LRBA: variants seen among roughly 807,000 people sequenced by gnomAD.
LRBA encodes LPS responsive beige-like anchor protein, also known as lipopolysaccharide-responsive and beige-like anchor protein.
Under a neutral mutation model 330.0 loss-of-function variants are expected in LRBA, and 176 were observed. The observed-to-expected ratio is 0.53, with a 90% CI of 0.47 to 0.60. The LOEUF (loss-of-function observed/expected upper bound fraction) is 0.60, where lower values mean the gene tolerates loss of function less well. Among genes scored for constraint, LRBA ranks in the 20% least tolerant of loss-of-function variants. The pLI is 0.00. For synonymous variants in LRBA, 1,230 were observed against 1,193.0 expected (o/e 1.03, Z -0.64); for missense variants, 3,259 against 3,444.8 (o/e 0.95, Z 1.35).
intron 13 of LRBA, among the ~76,000 whole-genome samples, chr4:150,903,386 C>G (rs774816839): frequency 6.6e-6 from 1 of 151,802 alleles, no homozygotes; most frequent in Non-Finnish European, 1.5e-5. Context: ...ATAAGTTAGA[C>G]AAAGAAATGG....
At chr4:150,766,933 A>C (rs2126502968) in intron 34 of LRBA, among the ~76,000 whole-genome samples, 1 of 152,280 alleles carries the variant, frequency 6.6e-6, no homozygotes, top group Middle Eastern at 3.4e-3. Flanking sequence ...CTAAGGCCAT[A>C]ATTGTTGACT....
chr4:150,562,818 T>A (rs1768547009), intron 40 of LRBA, among the ~76,000 whole-genome samples: 1 of 151,790 alleles, frequency 6.6e-6, no homozygotes, highest in South Asian at 2.1e-4. Context: ...ATTTTTTTTT[T>A]AATAGGGGTC....
chr4:150,782,565 G>A (rs1032843578), intron 34 of LRBA, among the ~76,000 whole-genome samples: 2 of 152,114 alleles, frequency 1.3e-5, no homozygotes, highest in Non-Finnish European at 2.9e-5. Flanking sequence ...TTTTCACATT[G>A]CCTTGTCCTC....
intron 17 of LRBA, among the ~76,000 whole-genome samples, 158 bp downstream of exon 17, chr4:150,892,894 G>T (rs1307785009): frequency 1.3e-5 from 2 of 151,582 alleles, no homozygotes; most frequent in Non-Finnish European, 2.9e-5. Flanking sequence ...AAGATTCATT[G>T]AAAAAAAATG....
At chr4:150,287,240 G>A (rs558389349) in intron 53 of LRBA, among the ~76,000 whole-genome samples, 7 of 152,290 alleles carry the variant, frequency 4.6e-5, no homozygotes, top group African/African-American at 1.4e-4. Context: ...GCAGCTCAGG[G>A]GAAACCCACT....
chr4:150,359,179 G>A (rs1738310571), intron 47 of LRBA, among the ~76,000 whole-genome samples: 1 of 152,104 alleles, frequency 6.6e-6, no homozygotes, highest in African/African-American at 2.4e-5. Flanking sequence ...TATTATATAG[G>A]ACTAAAAGTA....
Position 150,484,880 on chromosome 4 carries a change from C to A in LRBA, c.6551+2852G>T, listed in dbSNP as rs148510742. On this transcript the variant is annotated intron_variant, in intron 42 of 56. Transcript: ENST00000651943. ...TCAATTAGTAGAATATTTCTAATAT[C>A]TCTTCTAATTTCATCTTTGGCCCAT... Among the ~76,000 whole-genome samples the A allele has an allele frequency of 7.2e-4, 109 of 151,936 alleles. 1 individual carries two copies. Among genetic ancestry groups the A allele is most frequent in the African/African-American group, 2.1e-3 (87 of 41,490 alleles).
chr4:150,638,233 T>C (rs1778124403), intron 37 of LRBA, among the ~76,000 whole-genome samples: 1 of 152,138 alleles, frequency 6.6e-6, no homozygotes, highest in Non-Finnish European at 1.5e-5. Flanking sequence ...TTCACCATGT[T>C]GGCCAGGCTG....
At chr4:150,827,909 T>C (rs1229171621) in intron 30 of LRBA, among the ~76,000 whole-genome samples, 15 of 152,114 alleles carry the variant, frequency 9.9e-5, no homozygotes, top group Non-Finnish European at 4.4e-5. Flanking sequence ...GCCTTCCTTA[T>C]GATTTTCTTA....
In LRBA at chr4:150,921,200, C is replaced by A. The variant is rs756874800; in HGVS notation, c.643G>T (p.Ala215Ser). 4 of 1,596,312 alleles carry A rather than the reference C, an allele frequency of 2.5e-6. No individual in the cohort carries two copies. The highest frequency in any genetic ancestry group is 3.4e-6 in the Non-Finnish European group (4 of 1,163,934). Residue 215 changes from alanine (A) to serine (S), a missense_variant and splice_region_variant, in exon 5 of 57, where the codon GCA (alanine) becomes TCA (serine). Coordinates refer to ENST00000651943, the MANE Select transcript of LRBA (RefSeq NM_001364905.1). The part of the protein sequence containing the change: ...AFFNFPGKSA[A>S]AIALPPIAKW... The stretch of plus-strand genomic sequence containing the variant: ...TTTCCTCATTAATATTTACTTACTG[C>A]AGCACTCTTTCCTGGAAAGTTAAAA...
intron 31 of LRBA, among the ~76,000 whole-genome samples, chr4:150,814,119 G>GA (rs1475860686): frequency 6.6e-6 from 1 of 152,036 alleles, no homozygotes; most frequent in African/African-American, 2.4e-5. Flanking sequence ...AGTTTTTACT[G>GA]AATGTGTATT....
chr4:150,851,755 A>G, intron 23 of LRBA, 130 bp downstream of exon 23: 1 of 913,934 alleles, frequency 1.1e-6, no homozygotes, highest in African/African-American at 1.7e-5. Context: ...CAATCTTCAC[A>G]TTCATTGCAT....
chr4:150,564,073 G>A (rs991678567), intron 40 of LRBA, among the ~76,000 whole-genome samples: 2 of 152,132 alleles, frequency 1.3e-5, no homozygotes, highest in African/African-American at 4.8e-5. Flanking sequence ...AGCCCATATA[G>A]CCAAGACAAT....
At chr4:150,266,893 AAG>A (rs1361140068) in intron 56 of LRBA, among the ~76,000 whole-genome samples, 1 of 152,172 alleles carries the variant, frequency 6.6e-6, no homozygotes, top group Non-Finnish European at 1.5e-5. Flanking sequence ...AGTACTAGCA[AAG>A]AGAGCTGAGG....
At chr4:150,783,776 G>T (rs1738614630) in intron 34 of LRBA, among the ~76,000 whole-genome samples, 1 of 152,158 alleles carries the variant, frequency 6.6e-6, no homozygotes, top group East Asian at 1.9e-4. Context: ...AAGATAGTGT[G>T]ATATGCTTAA....
chr4:150,809,849 A>AG (rs1310259194), intron 31 of LRBA, among the ~76,000 whole-genome samples: 12 of 145,020 alleles, frequency 8.3e-5, no homozygotes, highest in Non-Finnish European at 1.8e-4. Context: ...CCCTGTCTTA[A>AG]AATACGATAC....
In LRBA at chr4:150,321,173, T is replaced by C; in HGVS notation, c.7630+18A>G. On this transcript the variant is annotated intron_variant, in intron 50 of 56. Coordinates refer to ENST00000651943, the MANE Select transcript of LRBA (RefSeq NM_001364905.1). This position sits in a 1 kb window ranked among gnomAD's most constrained non-coding sequence, Gnocchi z 4.5. ...GTTCAGCAGTTACCATGCCTTATAA[T>C]GGTATTTCTTTACTTACCAGGAAGG... 2.5e-6 allele frequency: 4 copies of C among 1,600,696 alleles called. No homozygotes were observed. The highest frequency in any genetic ancestry group is 3.4e-6 in the Non-Finnish European group (4 of 1,173,814).
chr4:150,328,004 C>T (rs940037402), intron 48 of LRBA, among the ~76,000 whole-genome samples: 2 of 152,126 alleles, frequency 1.3e-5, no homozygotes, highest in African/African-American at 4.8e-5. Flanking sequence ...AGGAATTATA[C>T]ACCTGGGTCC....
Position 150,852,371 on chromosome 4 carries a change from C to T in LRBA, c.3339G>A (p.Leu1113=). ...EEEEDDDYVE[L]KVEGSPTEEA... ...CCTCAGTAGGACTGCCTTCTACTTT[C>T]AGTTCCACATAATCATCATCTTCCT... Residue 1113 remains leucine, a synonymous_variant, in exon 23 of 57, where the codon CTG becomes CTA. Transcript: ENST00000651943. 6.2e-7 allele frequency: 1 copy of T among 1,613,610 alleles called. No individual in the cohort carries two copies. Among genetic ancestry groups the T allele is most frequent in the Non-Finnish European group, 8.5e-7 (1 of 1,179,862 alleles).
Sources: allele counts gnomAD v4.1 joint callset (sites outside exome capture counted in the v4.1 genomes callset), GRCh38; gene constraint gnomAD v4.1.1; non-coding constraint Gnocchi (gnomAD v3.1); transcripts MANE v1.5; gene names NCBI Gene and HGNC (gene_info 2026-07-23, HGNC 2026-07-21).